IK: variants seen among roughly 807,000 people sequenced by gnomAD.
IK encodes protein Red.
IK carries 47 observed loss-of-function variants against 90.9 expected under a neutral mutation model. The observed-to-expected ratio is 0.52, with a 90% CI of 0.41 to 0.66. The LOEUF is 0.66. Ranked by LOEUF, IK falls within the 30% of genes least tolerant of loss-of-function variation. IK has a pLI of 0.00. For missense variants in IK, 385 were observed against 709.3 expected, an observed-to-expected ratio of 0.54 and a Z score of 5.19; for synonymous variants, 201 against 227.5, an observed-to-expected ratio of 0.88 and a Z score of 1.05.
chr5:140,662,433 A>C lies in IK; in HGVS notation c.*104A>C. 1 of 1,255,838 alleles carries C rather than the reference A, an allele frequency of 8.0e-7. No individual in the cohort carries two copies. The highest frequency in any genetic ancestry group is 1.2e-6 in the Non-Finnish European group (1 of 863,364). The allele number at this position is 1,255,838 out of a possible 1,614,324, so 77.8% of individuals were successfully genotyped here. A position where few individuals can be genotyped will look rare whatever the true frequency, so the allele number is the denominator to read the frequency against. On this transcript the variant is annotated 3_prime_UTR_variant, in exon 20 of 20. Coordinates refer to ENST00000417647, the MANE Select transcript of IK (RefSeq NM_006083.4). ...ATGTTTTTTTGTGGATGAATATAAA[A>C]TTTTATTGTGTAATTACTTGGTTCC...
At chr5:140,653,362 T>C (rs1864254) in intron 5 of IK, among the ~76,000 whole-genome samples, 62,431 of 149,924 alleles carry the variant, frequency 0.42, 13,247 homozygotes, top group East Asian at 0.51. Context: ...TCTTGGCTCA[T>C]GGCAAGCTCC....
chr5:140,661,836 CTG>C lies in IK; in HGVS notation c.1503-62_1503-61del. The C allele has an allele frequency of 6.7e-7, 1 of 1,486,064 alleles. No individual in the cohort carries two copies. Among genetic ancestry groups the C allele is most frequent in the Non-Finnish European group, 9.2e-7 (1 of 1,084,050 alleles). The allele number at this position is 1,486,064 out of a possible 1,614,324, so 92.1% of individuals were successfully genotyped here. ...CACTAAGTTCTTTGCCCACAGGACT[CTG>C]GGAAAACCTCGCCACTGCTATGCAA... On this transcript the variant is annotated intron_variant, in intron 17 of 19. Transcript: ENST00000417647. The surrounding 1 kb of genome is among the most constrained non-coding windows in gnomAD (Gnocchi z 4.2).
At chr5:140,651,591 G>A in intron 2 of IK, 123 bp from the exon 3 acceptor site, 1 of 589,116 alleles carries the variant, frequency 1.7e-6, no homozygotes, top group South Asian at 2.1e-5. Flanking sequence ...AAAAAAAACA[G>A]TGTCATATCT....
chr5:140,658,557 T>G (rs1271801392), intron 10 of IK, among the ~76,000 whole-genome samples, 180 bp from the exon 11 acceptor site: 2 of 152,100 alleles, frequency 1.3e-5, no homozygotes, highest in Non-Finnish European at 2.9e-5. Context: ...TGACCTCAAG[T>G]GATCCGCCCG....
rs60377719 is a variant in IK, at chr5:140,648,040, GTGTGTATGTA to G, written c.16+120_16+129del. ...TGTGTGTGTGTGTGTGTGTGTGTGT[GTGTGTATGTA>G]TGTATGTGTGACGCTTGAGCCCGGA... On this transcript the variant is annotated intron_variant, in intron 1 of 19. Transcript: ENST00000417647. 0.19 allele frequency: 137,828 copies of G among 721,632 alleles called. 7,386 individuals are homozygous for G. Among genetic ancestry groups the G allele is most frequent in the Admixed American group, 0.2 (8,135 of 40,456 alleles). 44.7% of individuals were successfully genotyped at this position (721,632 alleles called of 1,614,324 possible). A position where few individuals can be genotyped will look rare whatever the true frequency, so the allele number is the denominator to read the frequency against.
chr5:140,648,755 T>A (rs555540981), intron 2 of IK: 102 of 542,050 alleles, frequency 1.9e-4, no homozygotes, highest in Middle Eastern at 1.5e-3. Flanking sequence ...TTTTTTTTTT[T>A]TATACGTGTT....
rs1259518876 is a variant in IK at position 140,648,502 on chromosome 5, T to G, written c.48T>G (p.Asp16Glu). The change falls in exon 2 of 20, where the codon GAT (aspartate) becomes GAG (glutamate). Residue 16 changes from aspartate (D) to glutamate (E), a missense_variant. By Grantham distance (45) the Asp-to-Glu change is conservative (BLOSUM62 2). Coordinates refer to ENST00000417647, the MANE Select transcript of IK (RefSeq NM_006083.4). ...SEPFSNPLAPDGHDVDDPHSF... is the reference protein window; with the variant it reads ...SEPFSNPLAPEGHDVDDPHSF... ...CGTTCTCCAACCCTTTGGCCCCCGATGGCCACGATGTGGATGATCCTCACT... is the reference window on the plus strand; with the variant it reads ...CGTTCTCCAACCCTTTGGCCCCCGAGGGCCACGATGTGGATGATCCTCACT... 2 of 1,614,066 alleles carry G rather than the reference T, an allele frequency of 1.2e-6. No homozygotes were observed. The highest frequency in any genetic ancestry group is 2.2e-5 in the South Asian group (2 of 91,088).
At chr5:140,648,032 G>GTGTGTGTGTA (rs1423951275) in intron 1 of IK, 108 bp downstream of exon 1, 4 of 1,059,618 alleles carry the variant, frequency 3.8e-6, no homozygotes, top group African/African-American at 3.4e-5. Flanking sequence ...GTGTGTGTGT[G>GTGTGTGTGTA]TGTGTGTGTG....
In IK at chr5:140,659,059, G is replaced by A. The variant is rs1165222882; in HGVS notation, c.1071G>A (p.Glu357=). ...AAAGAGACAGAGACCGTGACCGAGA[G>A]CGAGAGCGAGAACGAGATCGGGAAC... ...DRERDRDRDR[E]RERERDRERE... Residue 357 remains glutamate, a synonymous_variant, in exon 12 of 20, where the codon GAG becomes GAA. Transcript: ENST00000417647. The A allele has an allele frequency of 1.2e-6, 2 of 1,611,606 alleles. No individual in the cohort carries two copies. The highest frequency in any genetic ancestry group is 2.2e-5 in the South Asian group (2 of 91,038).
rs763020609 is a variant in IK, at chr5:140,659,327, G to A, written c.1189G>A (p.Asp397Asn). 70 of 1,613,878 alleles carry A rather than the reference G, an allele frequency of 4.3e-5. No individual in the cohort carries two copies. The East Asian group carries it at 1.0e-3, about 24-fold the overall frequency. ...GTGTTCTTTCCAGCCCATGGACGTT[G>A]ACAAAGGTGAGTTGTACACACAGCA... Reference protein sequence around the residue: ...PKVDDEPMDVDKGPGSTKELI... With the variant: ...PKVDDEPMDVNKGPGSTKELI... Residue 397 changes from aspartate to asparagine, a missense_variant, in exon 13 of 20, where the codon GAC (aspartate) becomes AAC (asparagine). Physicochemically the swap from Asp to Asn is conservative, Grantham distance 23. Coordinates refer to ENST00000417647, the MANE Select transcript of IK (RefSeq NM_006083.4).
At position 140,659,371 on chromosome 5, in the gene IK, A is replaced by G. The variant is rs1388971719; in HGVS notation, c.1195+38A>G. The G allele has an allele frequency of 1.9e-6, 3 of 1,612,302 alleles. No individual in the cohort carries two copies. In the South Asian group the frequency reaches 3.3e-5, roughly 18 times the overall value. On this transcript the variant is annotated intron_variant, in intron 13 of 19. Transcript: ENST00000417647. Reference sequence around the variant, plus strand: ...CACAGCATCTCACAGTTGCTCTAGCAGTCCTGCTTTCCCCTGGTAGGGCTC... The same window carrying G: ...CACAGCATCTCACAGTTGCTCTAGCGGTCCTGCTTTCCCCTGGTAGGGCTC...
chr5:140,657,339 C>A (rs927960741), intron 9 of IK, among the ~76,000 whole-genome samples: 1 of 152,198 alleles, frequency 6.6e-6, no homozygotes, highest in African/African-American at 2.4e-5. Flanking sequence ...CTAGAATGTT[C>A]TAGACTCCTG....
intron 2 of IK, chr5:140,648,871 C>A: frequency 3.4e-6 from 1 of 294,952 alleles, no homozygotes; most frequent in Non-Finnish European, 6.6e-6. Context: ...GAGTTTCGCT[C>A]TTGTTGCTCA....
chr5:140,648,937 A>G lies in IK; in HGVS notation c.83+400A>G, dbSNP rs751320794. On this transcript the variant is annotated intron_variant, in intron 2 of 19. Transcript: ENST00000417647. ...ACCACAACCTCCGCCTCCCGGGTTCAAGCAATTCTCCTGCCTCAGCCTTCC... is the reference window on the plus strand; with the variant it reads ...ACCACAACCTCCGCCTCCCGGGTTCGAGCAATTCTCCTGCCTCAGCCTTCC... 15 of 215,190 alleles carry G rather than the reference A, an allele frequency of 7.0e-5. No homozygotes were observed. The South Asian group carries it at 7.9e-4, about 11-fold the overall frequency. The allele number at this position is 215,190 out of a possible 1,614,324, so 13.3% of individuals were successfully genotyped here.
At chr5:140,654,495 C>T (rs1320098468) in intron 6 of IK, 21 bp from the exon 7 acceptor site, 3 of 1,568,472 alleles carry the variant, frequency 1.9e-6, no homozygotes, top group East Asian at 4.7e-5. Context: ...AGTGTCCTAA[C>T]CCTGCTTGCT....
At position 140,661,223 on chromosome 5, in the gene IK, TGAA is replaced by T. The variant is rs745634459; in HGVS notation, c.1414-392_1414-390del. The T allele has an allele frequency of 6.4e-5, 16 of 250,504 alleles. No homozygotes were observed. The highest frequency in any genetic ancestry group is 3.6e-4 in the Admixed American group (7 of 19,536). The allele number at this position is 250,504 out of a possible 1,614,324, so 15.5% of individuals were successfully genotyped here. Reference sequence around the variant, plus strand: ...AAAAAACCACTAATGCCACTAATAGTGAAGAAGTCTGTGTTCTTCCCCTGAGTT... The same window carrying T: ...AAAAAACCACTAATGCCACTAATAGTGAAGTCTGTGTTCTTCCCCTGAGTT... On this transcript the variant is annotated intron_variant, in intron 16 of 19. Coordinates refer to ENST00000417647, the MANE Select transcript of IK (RefSeq NM_006083.4). This position sits in a 1 kb window ranked among gnomAD's most constrained non-coding sequence, Gnocchi z 4.2.
In IK at chr5:140,658,779, A is replaced by T; in HGVS notation, c.950+3A>T. The T allele has an allele frequency of 6.2e-7, 1 of 1,611,298 alleles. No homozygotes were observed. Among genetic ancestry groups the T allele is most frequent in the East Asian group, 2.2e-5 (1 of 44,840 alleles). ...AAACCTCCTGAGGCTGACATGAAGTATGTATCCTAGCCCCTGGCATCTGAT... is the reference window on the plus strand; with the variant it reads ...AAACCTCCTGAGGCTGACATGAAGTTTGTATCCTAGCCCCTGGCATCTGAT... On this transcript the variant is annotated splice_donor_region_variant and intron_variant, in intron 11 of 19. Transcript: ENST00000417647.
At position 140,654,672 on chromosome 5, in the gene IK, T is replaced by C. The variant is rs944895780; in HGVS notation, c.591-9T>C. 46 of 1,601,102 alleles carry C rather than the reference T, an allele frequency of 2.9e-5. No individual in the cohort carries two copies. Among genetic ancestry groups the C allele is most frequent in the Non-Finnish European group, 3.8e-5 (45 of 1,171,994 alleles). On this transcript the variant is annotated splice_polypyrimidine_tract_variant and intron_variant, in intron 7 of 19. Coordinates refer to ENST00000417647, the MANE Select transcript of IK (RefSeq NM_006083.4). ...ATTTAGCAAAAATAAAACTTTTTTGTCTTTTCAGGAAAGATGAGGATCCTG... is the reference window on the plus strand; with the variant it reads ...ATTTAGCAAAAATAAAACTTTTTTGCCTTTTCAGGAAAGATGAGGATCCTG...
chr5:140,661,137 C>G lies in IK; in HGVS notation c.1413+322C>G. 3.1e-6 allele frequency: 1 copy of G among 327,736 alleles called. No homozygotes were observed. The allele number at this position is 327,736 out of a possible 1,614,324, so 20.3% of individuals were successfully genotyped here. On this transcript the variant is annotated intron_variant, in intron 16 of 19. Transcript: ENST00000417647. This position sits in a 1 kb window ranked among gnomAD's most constrained non-coding sequence, Gnocchi z 4.2. ...AAAAATTGCAGTCTTTGGAAAATAA[C>G]TAAATTTTATTCTAGCCAGGATTGA...
Sources: allele counts gnomAD v4.1 joint callset (sites outside exome capture counted in the v4.1 genomes callset), GRCh38; gene constraint gnomAD v4.1.1; non-coding constraint Gnocchi (gnomAD v3.1); transcripts MANE v1.5; gene names NCBI Gene and HGNC (gene_info 2026-07-23, HGNC 2026-07-21).